CACNA2D3: variants seen among roughly 807,000 people sequenced by gnomAD.
CACNA2D3 encodes the protein voltage-dependent calcium channel subunit alpha-2/delta-3.
In CACNA2D3, 60 loss-of-function variants were observed where a neutral mutation model predicts 160.6. That is an observed-to-expected ratio of 0.37 (90% CI 0.30 to 0.46). The LOEUF is 0.46. Among genes scored for constraint, CACNA2D3 ranks in the 20% least tolerant of loss-of-function variants. The pLI is 1.00. For synonymous variants in CACNA2D3, 558 were observed against 492.9 expected (o/e 1.13, Z -1.75); for missense variants, 1,205 against 1,365.0 (o/e 0.88, Z 1.85).
chr3:54,744,384 G>A (rs964297763), intron 11 of CACNA2D3, among the ~76,000 whole-genome samples: 1 of 152,214 alleles, frequency 6.6e-6, no homozygotes, highest in South Asian at 2.1e-4. Context: ...CTGGGTTTTG[G>A]TGGAGGAAAT....
intron 17 of CACNA2D3, among the ~76,000 whole-genome samples, chr3:54,852,857 G>C (rs752836092): frequency 2.6e-5 from 4 of 152,148 alleles, no homozygotes; most frequent in Non-Finnish European, 4.4e-5. Context: ...GTTTAAAAAG[G>C]TAGGAGCACT....
chr3:55,035,624 T>C (rs771257248), intron 35 of CACNA2D3, among the ~76,000 whole-genome samples: 2 of 152,172 alleles, frequency 1.3e-5, no homozygotes, highest in Non-Finnish European at 2.9e-5. Context: ...CACTGGCCTG[T>C]TTATCTATTT....
At chr3:54,720,306 T>C (rs13088416) in intron 11 of CACNA2D3, among the ~76,000 whole-genome samples, 33,649 of 151,930 alleles carry the variant, frequency 0.22, 3,993 homozygotes, top group South Asian at 0.3. Context: ...CTTTTAGATA[T>C]CATATTTTCA....
chr3:54,459,459 C>T (rs947155660), intron 4 of CACNA2D3, among the ~76,000 whole-genome samples: 2 of 150,118 alleles, frequency 1.3e-5, no homozygotes, highest in Non-Finnish European at 3.0e-5. Flanking sequence ...TTAATGATCG[C>T]CATTCTAACT....
intron 4 of CACNA2D3, among the ~76,000 whole-genome samples, chr3:54,459,489 T>A (rs1700459575): frequency 6.6e-6 from 1 of 151,724 alleles, no homozygotes; most frequent in Non-Finnish European, 1.5e-5. Context: ...TGGTATCTCA[T>A]TGTGGTTTTG....
In CACNA2D3 at chr3:54,968,363, T is replaced by C. The variant is rs192887075; in HGVS notation, c.2450-87T>C. The stretch of plus-strand genomic sequence containing the variant: ...ATTTTATATGCTTATATCAGCTTCT[T>C]GCCATGACGGATAATTTTCAACGAT... On this transcript the variant is annotated intron_variant, in intron 27 of 37. Transcript: ENST00000474759. 92 of 848,268 alleles carry C rather than the reference T, an allele frequency of 1.1e-4. No individual in the cohort carries two copies. In the East Asian group the frequency reaches 2.3e-3, roughly 22 times the overall value. 52.5% of individuals were successfully genotyped at this position (848,268 alleles called of 1,614,324 possible). A position where few individuals can be genotyped will look rare whatever the true frequency, so the allele number is the denominator to read the frequency against.
At chr3:54,921,356 T>C (rs1700845256) in intron 27 of CACNA2D3, among the ~76,000 whole-genome samples, 2 of 152,148 alleles carry the variant, frequency 1.3e-5, no homozygotes, top group African/African-American at 4.8e-5. Context: ...GAGGACTCAG[T>C]TGGATAAAAT....
chr3:54,199,400 A>G (rs1045050435), intron 2 of CACNA2D3, among the ~76,000 whole-genome samples: 4 of 152,000 alleles, frequency 2.6e-5, no homozygotes, highest in South Asian at 2.1e-4. Context: ...GGGTCTTACC[A>G]TCACCCAGGC....
At chr3:54,961,806 C>A (rs1388408473) in intron 27 of CACNA2D3, among the ~76,000 whole-genome samples, 1 of 152,138 alleles carries the variant, frequency 6.6e-6, no homozygotes, top group Non-Finnish European at 1.5e-5. Flanking sequence ...CTTCTGTTTT[C>A]TTTTGCTTTT....
intron 2 of CACNA2D3, among the ~76,000 whole-genome samples, chr3:54,274,156 A>G (rs1702683872): frequency 6.6e-6 from 1 of 152,096 alleles, no homozygotes; most frequent in African/African-American, 2.4e-5. Context: ...AATATTTACA[A>G]ACAGAAACCT....
intron 17 of CACNA2D3, among the ~76,000 whole-genome samples, chr3:54,848,957 G>A (rs1425575663): frequency 6.6e-6 from 1 of 152,204 alleles, no homozygotes; most frequent in African/African-American, 2.4e-5. Flanking sequence ...TCTTGTTTGT[G>A]TTTATTTTCT....
At chr3:55,039,269 A>C (rs1041868691) in intron 35 of CACNA2D3, among the ~76,000 whole-genome samples, 88 of 152,140 alleles carry the variant, frequency 5.8e-4, no homozygotes, top group African/African-American at 2.0e-3. Context: ...AGCCTGCAGC[A>C]CTATGCTATT....
At chr3:54,753,760 T>G (rs1344105787) in intron 12 of CACNA2D3, among the ~76,000 whole-genome samples, 1 of 152,216 alleles carries the variant, frequency 6.6e-6, no homozygotes, top group African/African-American at 2.4e-5. Flanking sequence ...CAAATAAAAT[T>G]ATGTATATTT....
At chr3:54,894,824 C>T in intron 25 of CACNA2D3, 1 of 375,744 alleles carries the variant, frequency 2.7e-6, no homozygotes, top group Non-Finnish European at 5.3e-6. Context: ...GATTAGGAAA[C>T]ATTACCACTG....
chr3:54,262,534 A>G (rs1702421096), intron 2 of CACNA2D3, among the ~76,000 whole-genome samples: 1 of 152,214 alleles, frequency 6.6e-6, no homozygotes, highest in African/African-American at 2.4e-5. Context: ...TATGTAATTA[A>G]ATATGTTCAG....
intron 35 of CACNA2D3, among the ~76,000 whole-genome samples, chr3:55,051,892 C>T (rs1204940283): frequency 6.6e-6 from 1 of 152,192 alleles, no homozygotes; most frequent in African/African-American, 2.4e-5. Context: ...TCACCCCTTT[C>T]TTTGAGTCAG....
intron 3 of CACNA2D3, among the ~76,000 whole-genome samples, chr3:54,359,983 A>C (rs1027230824): frequency 3.3e-5 from 5 of 152,190 alleles, no homozygotes; most frequent in African/African-American, 1.2e-4. Context: ...GGATGCCATT[A>C]TAAGAATAAA....
At chr3:54,431,310 A>C (rs1328211482) in intron 4 of CACNA2D3, among the ~76,000 whole-genome samples, 2 of 151,352 alleles carry the variant, frequency 1.3e-5, no homozygotes, top group Non-Finnish European at 2.9e-5. Context: ...CCTGGGTGAC[A>C]GAGTGAGACT....
intron 13 of CACNA2D3, among the ~76,000 whole-genome samples, chr3:54,792,937 A>G (rs541621137): frequency 3.5e-4 from 54 of 152,344 alleles, no homozygotes; most frequent in African/African-American, 1.3e-3. Flanking sequence ...GGAGGGACAG[A>G]TTCAGTGCAG....
Sources: allele counts gnomAD v4.1 joint callset (sites outside exome capture counted in the v4.1 genomes callset), GRCh38; gene constraint gnomAD v4.1.1; transcripts MANE v1.5; gene names NCBI Gene and HGNC (gene_info 2026-07-23, HGNC 2026-07-21).